PTPRN2: variants seen among roughly 807,000 people sequenced by gnomAD.
PTPRN2 encodes receptor-type tyrosine-protein phosphatase N2.
A neutral mutation model predicts 118.8 loss-of-function variants in PTPRN2; 74 were observed. That is an observed-to-expected ratio of 0.62 (90% CI 0.52 to 0.76). The LOEUF (loss-of-function observed/expected upper bound fraction) is 0.76. Among genes scored for constraint, PTPRN2 ranks in the 30% least tolerant of loss-of-function variants. The pLI is 0.00. For synonymous variants in PTPRN2, 641 were observed against 608.0 expected (o/e 1.05, Z -0.80); for missense variants, 1,481 against 1,394.4 (o/e 1.06, Z -0.99).
chr7:158,275,103 A>C (rs1013047159), intron 3 of PTPRN2, among the ~76,000 whole-genome samples: 6 of 152,194 alleles, frequency 3.9e-5, no homozygotes, highest in Admixed American at 3.9e-4. Flanking sequence ...TGAAGTCCCC[A>C]GGGGCCGGCA....
chr7:158,098,453 C>T (rs1234551295), intron 10 of PTPRN2, among the ~76,000 whole-genome samples: 1 of 152,206 alleles, frequency 6.6e-6, no homozygotes, highest in Admixed American at 6.5e-5. Context: ...TTACCCAGGA[C>T]TGAGCCTGGC....
At chr7:158,144,612 C>G (rs901977848) in intron 6 of PTPRN2, among the ~76,000 whole-genome samples, 2 of 152,110 alleles carry the variant, frequency 1.3e-5, no homozygotes, top group Non-Finnish European at 2.9e-5. Flanking sequence ...GCACTCCAGC[C>G]TGGGCGATAG....
rs898180447 is a variant in PTPRN2, at chr7:158,086,478, C to A, written c.1644-5101G>T. 3.3e-5 allele frequency among the ~76,000 whole-genome samples: 5 copies of A among 152,354 alleles called. 1 individual carries two copies. The Middle Eastern group carries it at 0.01, about 311-fold the overall frequency. Reference sequence around the variant, plus strand: ...TAATAACTGCTTTCCTCTGCCCACACCTCACTCTCATGTTTTCGGCCTCTG... The same window carrying A: ...TAATAACTGCTTTCCTCTGCCCACAACTCACTCTCATGTTTTCGGCCTCTG... On this transcript the variant is annotated intron_variant, in intron 10 of 22. Transcript: ENST00000389418.
chr7:157,840,371 T>C (rs536263210), intron 12 of PTPRN2, among the ~76,000 whole-genome samples: 1 of 142,874 alleles, frequency 7.0e-6, no homozygotes, highest in East Asian at 2.1e-4. Context: ...TGGCCGCGTG[T>C]GACTGTGTGA....
chr7:158,267,961 G>C (rs1161475371), intron 3 of PTPRN2, among the ~76,000 whole-genome samples: 1 of 152,164 alleles, frequency 6.6e-6, no homozygotes, highest in Non-Finnish European at 1.5e-5. Context: ...ACTCTTCCCA[G>C]CTTGCCATTT....
chr7:157,844,760 G>A (rs959865675), intron 12 of PTPRN2, among the ~76,000 whole-genome samples: 1 of 152,200 alleles, frequency 6.6e-6, no homozygotes, highest in African/African-American at 2.4e-5. Flanking sequence ...CAGGACTGGT[G>A]CAGGTCAGCG....
intron 11 of PTPRN2, among the ~76,000 whole-genome samples, chr7:158,037,362 G>C (rs1200187789): frequency 6.6e-6 from 1 of 152,130 alleles, no homozygotes; most frequent in Non-Finnish European, 1.5e-5. Flanking sequence ...CTGATGTTGT[G>C]CCAACATCAC....
At chr7:158,059,946 C>T (rs1218254186) in intron 11 of PTPRN2, among the ~76,000 whole-genome samples, 4 of 98,392 alleles carry the variant, frequency 4.1e-5, no homozygotes, top group Admixed American at 1.9e-4. Context: ...CATCTGCACA[C>T]GGTGACACAT....
intron 3 of PTPRN2, among the ~76,000 whole-genome samples, chr7:158,234,943 T>C (rs1829431351): frequency 6.6e-6 from 1 of 152,176 alleles, no homozygotes. Context: ...TTTGTATTTT[T>C]AGTAGAGACG....
At chr7:157,795,081 C>T (rs1048144676) in intron 12 of PTPRN2, among the ~76,000 whole-genome samples, 2 of 148,788 alleles carry the variant, frequency 1.3e-5, no homozygotes, top group African/African-American at 2.5e-5. Flanking sequence ...TGAAGCCCCT[C>T]ACCTGTGCAC....
At chr7:158,494,918 C>G (rs934497719) in intron 1 of PTPRN2, among the ~76,000 whole-genome samples, 1 of 152,182 alleles carries the variant, frequency 6.6e-6, no homozygotes, top group African/African-American at 2.4e-5. Context: ...CTATACCCAG[C>G]CTTTTCCTCC....
chr7:157,982,163 G>GACGAGGAGGGGA lies in PTPRN2; in HGVS notation c.1724-83427_1724-83426insTCCCCTCCTCGT, dbSNP rs1563295855. Among the ~76,000 whole-genome samples, 3 of 125,774 alleles carry GACGAGGAGGGGA rather than the reference G, an allele frequency of 2.4e-5. 1 individual carries two copies. Among genetic ancestry groups the GACGAGGAGGGGA allele is most frequent in the Non-Finnish European group, 5.6e-5 (3 of 53,776 alleles). 82.5% of individuals were successfully genotyped at this position (125,774 alleles called of 152,430 possible). On this transcript the variant is annotated intron_variant, in intron 11 of 22. Transcript: ENST00000389418. ...TCCCCCATAAACCCCGAGTCACAGA[G>GACGAGGAGGGGA]ATGAGGAGGGGAATGCAGAGTGCAG...
chr7:157,983,468 C>A (rs530576487), intron 11 of PTPRN2, among the ~76,000 whole-genome samples: 1 of 152,256 alleles, frequency 6.6e-6, no homozygotes. Flanking sequence ...CCCCAAAACC[C>A]CGAGTCACAG....
At chr7:157,948,987 G>T (rs1489484927) in intron 11 of PTPRN2, among the ~76,000 whole-genome samples, 1 of 152,166 alleles carries the variant, frequency 6.6e-6, no homozygotes, top group Non-Finnish European at 1.5e-5. Flanking sequence ...TGTGGGTTCT[G>T]CAGGGCCAAC....
chr7:157,671,325 G>A lies in PTPRN2; in HGVS notation c.2001+11400C>T, dbSNP rs1267716192. 6.6e-6 allele frequency among the ~76,000 whole-genome samples: 1 copy of A among 152,178 alleles called. No homozygotes were observed. Among genetic ancestry groups the A allele is most frequent in the Non-Finnish European group, 1.5e-5 (1 of 68,028 alleles). ...CAGGCCTGCCTCCATCCAACACAAT[G>A]AGGAAGTCACCCTACACTGGAGGGA... On this transcript the variant is annotated intron_variant, in intron 13 of 22. Transcript: ENST00000389418. The surrounding 1 kb of genome is among the most constrained non-coding windows in gnomAD (Gnocchi z 4.1).
At chr7:157,931,744 C>T (rs1799369966) in intron 11 of PTPRN2, among the ~76,000 whole-genome samples, 1 of 151,976 alleles carries the variant, frequency 6.6e-6, no homozygotes, top group South Asian at 2.1e-4. Context: ...GAATAAATGA[C>T]TAGAGCTTAG....
At chr7:158,066,966 C>G (rs924469286) in intron 11 of PTPRN2, among the ~76,000 whole-genome samples, 1 of 152,154 alleles carries the variant, frequency 6.6e-6, no homozygotes, top group African/African-American at 2.4e-5. Context: ...CAGCAAATCC[C>G]ACAAAAATTA....
At chr7:158,498,766 G>A (rs1459625475) in intron 1 of PTPRN2, among the ~76,000 whole-genome samples, 1 of 152,250 alleles carries the variant, frequency 6.6e-6, no homozygotes, top group Non-Finnish European at 1.5e-5. Flanking sequence ...GCCAGGCTAT[G>A]CCGGGGATGA....
chr7:157,794,238 TCCGACCCGGG>T lies in PTPRN2; in HGVS notation c.1788+104425_1788+104434del, dbSNP rs1804717434. Reference sequence around the variant, plus strand: ...GCTCACACCTCCCCTCGTTCTCTGCTCCGACCCGGGCTCACACCTCCCCTCGTTCTCTGCT... The same window carrying T: ...GCTCACACCTCCCCTCGTTCTCTGCTCTCACACCTCCCCTCGTTCTCTGCT... On this transcript the variant is annotated intron_variant, in intron 12 of 22. Coordinates refer to ENST00000389418, the MANE Select transcript of PTPRN2 (RefSeq NM_002847.5). The surrounding 1 kb of genome is among the most constrained non-coding windows in gnomAD (Gnocchi z 5.2). Among the ~76,000 whole-genome samples, 1 of 146,430 alleles carries T rather than the reference TCCGACCCGGG, an allele frequency of 6.8e-6. No homozygotes were observed.
Sources: gnomAD v4.1 joint callset for allele counts (sites outside exome capture counted in the v4.1 genomes callset) on GRCh38, gnomAD v4.1.1 for gene constraint, Gnocchi (gnomAD v3.1) non-coding constraint, MANE v1.5 for transcripts, NCBI Gene and HGNC (gene_info 2026-07-23, HGNC 2026-07-21) for gene names.